The following NME7 variants were observed in gnomAD, a reference collection of about 807,000 sequenced individuals.
NME7 encodes nucleoside diphosphate kinase 7.
NME7 carries 41 observed loss-of-function variants against 49.1 expected under a neutral mutation model. That is an observed-to-expected ratio of 0.83 (90% CI 0.65 to 1.08). The LOEUF (loss-of-function observed/expected upper bound fraction) is 1.08, where lower values mean the gene tolerates loss of function less well. NME7 is among the 50% of genes least tolerant of loss of function. The pLI is 0.00. For synonymous variants in NME7, 139 were observed against 150.6 expected (o/e 0.92, Z 0.56); for missense variants, 423 against 463.4 (o/e 0.91, Z 0.80).
intron 1 of NME7, among the ~76,000 whole-genome samples, chr1:169,336,005 T>A (rs905152298): frequency 6.6e-6 from 1 of 151,836 alleles, no homozygotes; most frequent in Non-Finnish European, 1.5e-5. Flanking sequence ...TCGCAGTGAG[T>A]GTTACAGCTC....
chr1:169,340,006 G>A (rs528035120), intron 1 of NME7, among the ~76,000 whole-genome samples: 9 of 108,564 alleles, frequency 8.3e-5, no homozygotes, highest in Admixed American at 7.4e-4. Context: ...AAGTAGTAAA[G>A]GCTCCCTGAC....
In NME7 at chr1:169,324,468, C is replaced by A. The variant is rs1651978680; in HGVS notation, c.36G>T (p.Glu12Asp). ...GAAGTGAAGCATTTGGATCATACCA[C>A]TCTGCAATGAAAACGAATCTTTCAC... ...NHSERFVFIA[E>D]WYDPNASLLR... Residue 12 changes from glutamate to aspartate, a missense_variant, in exon 2 of 12, where the codon GAG becomes GAT. Transcript: ENST00000367811. 1 of 1,612,644 alleles carries A rather than the reference C, an allele frequency of 6.2e-7. No homozygotes were observed. The highest frequency in any genetic ancestry group is 8.5e-7 in the Non-Finnish European group (1 of 1,178,934).
At chr1:169,283,542 G>T (rs947339926) in intron 7 of NME7, among the ~76,000 whole-genome samples, 22 of 152,054 alleles carry the variant, frequency 1.4e-4, no homozygotes, top group African/African-American at 5.1e-4. Flanking sequence ...TCATAGTGTC[G>T]ATGTTCTTTA....
chr1:169,253,554 T>G (rs1648741673), intron 7 of NME7, among the ~76,000 whole-genome samples: 1 of 152,164 alleles, frequency 6.6e-6, no homozygotes, highest in Non-Finnish European at 1.5e-5. Flanking sequence ...TACCCTTTAT[T>G]TCCTTCTCCT....
At chr1:169,323,574 T>C (rs530288631) in intron 2 of NME7, among the ~76,000 whole-genome samples, 1 of 152,232 alleles carries the variant, frequency 6.6e-6, no homozygotes, top group East Asian at 1.9e-4. Flanking sequence ...CCTTACAAAA[T>C]GCTAAAGAAA....
chr1:169,324,579 T>A (rs1284634280), intron 1 of NME7, 79 bp from the exon 2 acceptor site: 31 of 847,322 alleles, frequency 3.7e-5, no homozygotes, highest in African/African-American at 5.1e-5. Flanking sequence ...AAAATGAAAT[T>A]ACCAATATGC....
At chr1:169,162,089 G>T (rs1659264755) in intron 11 of NME7, among the ~76,000 whole-genome samples, 1 of 152,080 alleles carries the variant, frequency 6.6e-6, no homozygotes, top group South Asian at 2.1e-4. Flanking sequence ...ACATCTCTAT[G>T]ATTTCATCCC....
At chr1:169,282,124 G>T (rs1376127605) in intron 7 of NME7, among the ~76,000 whole-genome samples, 4 of 152,136 alleles carry the variant, frequency 2.6e-5, no homozygotes, top group Non-Finnish European at 5.9e-5. Flanking sequence ...CTCAATTTCA[G>T]AACCTGTTAT....
intron 3 of NME7, among the ~76,000 whole-genome samples, chr1:169,320,635 C>G (rs1381447357): frequency 1.3e-5 from 2 of 152,054 alleles, no homozygotes; most frequent in Non-Finnish European, 2.9e-5. Flanking sequence ...TTTTGAAACT[C>G]TTCGGTTTGG....
intron 10 of NME7, among the ~76,000 whole-genome samples, chr1:169,177,459 C>T (rs1027522901): frequency 4.6e-5 from 7 of 152,028 alleles, no homozygotes; most frequent in African/African-American, 7.3e-5. Context: ...ACTTTCCTGC[C>T]GAAGAATCTC....
At chr1:169,133,102 T>A (rs12035622) in intron 11 of NME7, among the ~76,000 whole-genome samples, 15,142 of 152,218 alleles carry the variant, frequency 0.099, 993 homozygotes, top group Admixed American at 0.2. Context: ...AAAAAAAAGT[T>A]GTTAGCACTT....
chr1:169,160,283 G>A (rs190021608), intron 11 of NME7, among the ~76,000 whole-genome samples: 37 of 151,848 alleles, frequency 2.4e-4, no homozygotes, highest in African/African-American at 7.2e-4. Flanking sequence ...TTTCCTCATC[G>A]TACCCTCCTG....
At chr1:169,298,452 C>G in intron 6 of NME7, 104 bp downstream of exon 6, 2 of 1,121,348 alleles carry the variant, frequency 1.8e-6, no homozygotes, top group South Asian at 3.0e-5. Context: ...ACTAGAGCAG[C>G]AGCATAAATC....
intron 7 of NME7, among the ~76,000 whole-genome samples, chr1:169,250,377 T>C (rs941844287): frequency 6.6e-6 from 1 of 152,086 alleles, no homozygotes; most frequent in African/African-American, 2.4e-5. Context: ...ATCTAGCTAA[T>C]GGTCTATCAA....
intron 10 of NME7, among the ~76,000 whole-genome samples, chr1:169,193,806 C>T (rs538161258): frequency 6.6e-5 from 10 of 151,310 alleles, no homozygotes; most frequent in South Asian, 2.1e-4. Flanking sequence ...TTCAGAACAA[C>T]GAACATATTT....
intron 7 of NME7, among the ~76,000 whole-genome samples, chr1:169,271,207 G>C (rs74917444): frequency 0.024 from 3,152 of 133,202 alleles, 464 homozygotes; most frequent in African/African-American, 0.072. Context: ...TTAACTATAG[G>C]TCTATGAACT....
rs1224839108 is a variant in NME7, at chr1:169,181,891, T to C, written c.991-12337A>G. 3.3e-5 allele frequency among the ~76,000 whole-genome samples: 5 copies of C among 152,306 alleles called. No homozygotes were observed. The East Asian group carries it at 9.7e-4, about 29-fold the overall frequency. Reference sequence around the variant, plus strand: ...CCACAGTCCAGGATCTCCTCCTGACTGTTCCTCTCAGGCTCCTTTATTTCC... The same window carrying C: ...CCACAGTCCAGGATCTCCTCCTGACCGTTCCTCTCAGGCTCCTTTATTTCC... On this transcript the variant is annotated intron_variant, in intron 10 of 11. Coordinates refer to ENST00000367811, the MANE Select transcript of NME7 (RefSeq NM_013330.5).
chr1:169,324,629 C>T, intron 1 of NME7, 129 bp from the exon 2 acceptor site: 1 of 602,028 alleles, frequency 1.7e-6, no homozygotes, highest in Non-Finnish European at 2.9e-6. Context: ...TTGAATGTTT[C>T]TGCTTTTCAA....
chr1:169,230,707 C>A lies in NME7; in HGVS notation c.990+11G>T. ...ACACAAACTAGGATAATATTTTAAA[C>A]AATAACTTACAGGATCAGCAGGTCC... is the stretch of plus-strand genomic sequence containing the variant. On this transcript the variant is annotated intron_variant, in intron 10 of 11. Coordinates refer to ENST00000367811, the MANE Select transcript of NME7 (RefSeq NM_013330.5). The A allele has an allele frequency of 1.3e-6, 2 of 1,564,648 alleles. No individual in the cohort carries two copies. The highest frequency in any genetic ancestry group is 1.7e-6 in the Non-Finnish European group (2 of 1,148,892).
Sources: gnomAD v4.1 joint callset for allele counts (sites outside exome capture counted in the v4.1 genomes callset) on GRCh38, gnomAD v4.1.1 for gene constraint, MANE v1.5 for transcripts, NCBI Gene and HGNC (gene_info 2026-07-23, HGNC 2026-07-21) for gene names.